EPHB1: variants seen among roughly 807,000 people sequenced by gnomAD.
The protein encoded by EPHB1 is EPH receptor B1.
A neutral mutation model predicts 94.4 loss-of-function variants in EPHB1; 30 were observed. The ratio of observed to expected loss-of-function variants is 0.32; its 90% CI spans 0.24 to 0.43. The LOEUF (loss-of-function observed/expected upper bound fraction) is 0.43. EPHB1 is among the 20% of genes least tolerant of loss of function. The probability of loss-of-function intolerance (pLI) is 1.00; values close to 1 mark genes in which losing one functional copy is unlikely to be tolerated. For synonymous variants in EPHB1, 522 were observed against 489.1 expected, an observed-to-expected ratio of 1.07 and a Z score of -0.89; for missense variants, 1,055 against 1,308.3, an observed-to-expected ratio of 0.81 and a Z score of 2.99.
chr3:134,919,395 C>G (rs1041771102), intron 1 of EPHB1, among the ~76,000 whole-genome samples: 7 of 152,184 alleles, frequency 4.6e-5, no homozygotes, highest in Admixed American at 2.0e-4. Flanking sequence ...TGATAGAACA[C>G]AGGCTGGTGC....
intron 4 of EPHB1, among the ~76,000 whole-genome samples, chr3:135,119,584 C>G (rs1939864462): frequency 6.6e-6 from 1 of 152,112 alleles, no homozygotes; most frequent in African/African-American, 2.4e-5. Context: ...TCCTGAGTAG[C>G]TGGGCTACAG....
intron 1 of EPHB1, among the ~76,000 whole-genome samples, chr3:134,882,803 TTTCTTTCTTTC>T (rs1560280691): frequency 3.8e-5 from 3 of 79,548 alleles, no homozygotes; most frequent in Admixed American, 1.3e-4. Flanking sequence ...TCTTTCTTTC[TTTCTTTCTTTC>T]TTTCTTTCTT....
chr3:134,935,173 G>T (rs769901893), intron 2 of EPHB1, among the ~76,000 whole-genome samples: 4 of 152,186 alleles, frequency 2.6e-5, no homozygotes, highest in Non-Finnish European at 5.9e-5. Flanking sequence ...GCTGAGGAGG[G>T]TCAGCATTGC....
At chr3:135,212,973 A>G (rs1450285289) in intron 12 of EPHB1, among the ~76,000 whole-genome samples, 4 of 152,186 alleles carry the variant, frequency 2.6e-5, no homozygotes, top group Non-Finnish European at 5.9e-5. Flanking sequence ...TCTCTACTCC[A>G]TCTTAATTCC....
chr3:134,994,394 G>C (rs922553150), intron 3 of EPHB1, among the ~76,000 whole-genome samples: 1 of 152,164 alleles, frequency 6.6e-6, no homozygotes, highest in African/African-American at 2.4e-5. Context: ...TTGAGATACA[G>C]TCATCACCCA....
chr3:134,961,604 C>T lies in EPHB1; in HGVS notation c.805+9552C>T, dbSNP rs150921918. 1.2e-3 allele frequency among the ~76,000 whole-genome samples: 183 copies of T among 152,262 alleles called. 1 individual carries two copies. Among genetic ancestry groups the T allele is most frequent in the African/African-American group, 4.3e-3 (177 of 41,550 alleles). ...TTTCTAATATTCTCTTGCAGAGAGT[C>T]GATGGATTTGTACACTCTTCCCCCT... On this transcript the variant is annotated intron_variant, in intron 3 of 15. Transcript: ENST00000398015.
intron 3 of EPHB1, among the ~76,000 whole-genome samples, chr3:134,959,678 A>G (rs1174254760): frequency 6.6e-6 from 1 of 152,166 alleles, no homozygotes; most frequent in African/African-American, 2.4e-5. Context: ...TAAGCTGCTT[A>G]TGAACCAGCA....
At chr3:134,872,252 G>T (rs570645994) in intron 1 of EPHB1, among the ~76,000 whole-genome samples, 5 of 152,312 alleles carry the variant, frequency 3.3e-5, no homozygotes, top group African/African-American at 9.6e-5. Flanking sequence ...CTGCTTAGGG[G>T]TCTCCAGGAT....
At chr3:135,084,918 G>C (rs1176764519) in intron 3 of EPHB1, among the ~76,000 whole-genome samples, 1 of 152,200 alleles carries the variant, frequency 6.6e-6, no homozygotes, top group African/African-American at 2.4e-5. Context: ...CAGCAAAGGT[G>C]AGGGAATTAC....
At chr3:135,258,751 G>T (rs1247592862) in intron 15 of EPHB1, among the ~76,000 whole-genome samples, 2 of 152,164 alleles carry the variant, frequency 1.3e-5, no homozygotes, top group Admixed American at 1.3e-4. Context: ...CTGCCTTAGA[G>T]CCCGTACATA....
At position 135,054,023 on chromosome 3, in the gene EPHB1, G is replaced by T. The variant is rs1357975930; in HGVS notation, c.806-52425G>T. Among the ~76,000 whole-genome samples the T allele has an allele frequency of 4.5e-5, 3 of 66,228 alleles. No homozygotes were observed. The East Asian group carries it at 1.3e-3, about 28-fold the overall frequency. 43.4% of individuals were successfully genotyped at this position (66,228 alleles called of 152,430 possible). The stretch of plus-strand genomic sequence containing the variant: ...TATATACATGTGCATATGTGTGTCT[G>T]CATATATATATATATATACACACAC... On this transcript the variant is annotated intron_variant, in intron 3 of 15. Transcript: ENST00000398015.
intron 12 of EPHB1, among the ~76,000 whole-genome samples, chr3:135,232,818 G>A (rs995402135): frequency 6.6e-6 from 1 of 152,170 alleles, no homozygotes; most frequent in Admixed American, 6.5e-5. Flanking sequence ...GGAAGGGGAA[G>A]CAAACATGTC....
intron 3 of EPHB1, among the ~76,000 whole-genome samples, chr3:135,096,748 A>G (rs1202817993): frequency 1.3e-5 from 2 of 152,204 alleles, no homozygotes; most frequent in African/African-American, 4.8e-5. Flanking sequence ...AATCCCATTT[A>G]TGAGGGCTCC....
intron 3 of EPHB1, among the ~76,000 whole-genome samples, chr3:135,028,165 CA>C (rs1467816398): frequency 1.4e-5 from 2 of 147,182 alleles, no homozygotes; most frequent in South Asian, 4.4e-4. Context: ...TTGATCCTTT[CA>C]AAAAACCAGC....
At chr3:134,831,950 T>A (rs2036589255) in intron 1 of EPHB1, among the ~76,000 whole-genome samples, 1 of 152,226 alleles carries the variant, frequency 6.6e-6, no homozygotes, top group South Asian at 2.1e-4. Context: ...TTTCAGAAAT[T>A]GTCCAATTGT....
intron 1 of EPHB1, among the ~76,000 whole-genome samples, chr3:134,885,963 A>G (rs1578170177): frequency 6.6e-6 from 1 of 152,208 alleles, no homozygotes; most frequent in Non-Finnish European, 1.5e-5. Context: ...GCAGTGTTGG[A>G]GGCTAAATCC....
intron 3 of EPHB1, among the ~76,000 whole-genome samples, chr3:135,079,075 G>A (rs1012550296): frequency 2.1e-5 from 3 of 142,976 alleles, no homozygotes; most frequent in East Asian, 3.9e-4. Context: ...ATGGACATAC[G>A]TAAAAACAAG....
intron 3 of EPHB1, among the ~76,000 whole-genome samples, chr3:134,996,630 TGA>T (rs1443212323): frequency 2.0e-5 from 3 of 152,280 alleles, no homozygotes; most frequent in African/African-American, 7.2e-5. Flanking sequence ...CAGCTGCCCA[TGA>T]GAGTGACTGC....
intron 1 of EPHB1, among the ~76,000 whole-genome samples, chr3:134,873,535 G>A (rs1477084365): frequency 4.6e-5 from 7 of 152,170 alleles, no homozygotes; most frequent in Non-Finnish European, 1.0e-4. Context: ...ATATGGCTGC[G>A]GGGACTTGTT....
Sources: allele counts gnomAD v4.1 joint callset (sites outside exome capture counted in the v4.1 genomes callset), GRCh38; gene constraint gnomAD v4.1.1; transcripts MANE v1.5; gene names NCBI Gene and HGNC (gene_info 2026-07-23, HGNC 2026-07-21).